RUFY4: variants seen among roughly 807,000 people sequenced by gnomAD.
RUFY4 encodes RUN and FYVE domain containing 4, also known as RUN and FYVE domain-containing protein 4.
RUFY4 carries 73 observed loss-of-function variants against 69.0 expected under a neutral mutation model. That is an observed-to-expected ratio of 1.06 (90% confidence interval 0.88 to 1.29). The LOEUF (loss-of-function observed/expected upper bound fraction) is 1.29, where lower values mean the gene tolerates loss of function less well. Ranked by LOEUF, RUFY4 falls within the 50% of genes most tolerant of loss-of-function variation. The pLI is 0.00. For missense variants in RUFY4, 770 were observed against 705.6 expected (o/e 1.09, Z -1.03); for synonymous variants, 287 against 271.8 (o/e 1.06, Z -0.55).
upstream of RUFY4, among the ~76,000 whole-genome samples, chr2:218,070,128 C>T (rs893593724): frequency 1.3e-5 from 2 of 152,174 alleles, no homozygotes; most frequent in Non-Finnish European, 2.9e-5. Context: ...TGGACACCCC[C>T]AGCCTAGTGT....
At position 218,037,093 on chromosome 2, in the gene RUFY4, C is replaced by T. The variant is rs369926937; in HGVS notation, c.-1158+1699C>T. ...CAGCACTTTGGGAGGCTGAGGCGGG[C>T]GGATCACTTGAGGTCAGGAGTTCGA... On this transcript the variant is annotated intron_variant and NMD_transcript_variant, in intron 2 of 13. Coordinates refer to the RUFY4 transcript ENST00000457754. Among the ~76,000 whole-genome samples, 1,053 of 152,032 alleles carry T rather than the reference C, an allele frequency of 6.9e-3. 12 individuals are homozygous for T. Among genetic ancestry groups the T allele is most frequent in the African/African-American group, 0.024 (981 of 41,484 alleles).
In RUFY4 at chr2:218,072,371, T is replaced by C. The variant is rs1689508946; in HGVS notation, c.154-3T>C. 1.3e-6 allele frequency: 2 copies of C among 1,536,646 alleles called. No individual in the cohort carries two copies. The highest frequency in any genetic ancestry group is 2.5e-5 in the East Asian group (1 of 40,428). Reference sequence around the variant, plus strand: ...CACTTTCTTTGCCTCATTTTGGTTCTAGTTTGACCAGAAAGAGCAGAAGAG... The same window carrying C: ...CACTTTCTTTGCCTCATTTTGGTTCCAGTTTGACCAGAAAGAGCAGAAGAG... On this transcript the variant is annotated splice_polypyrimidine_tract_variant and splice_region_variant and intron_variant, in intron 2 of 10. Coordinates refer to ENST00000344321, the Ensembl canonical transcript of RUFY4.
intron 2 of RUFY4, among the ~76,000 whole-genome samples, chr2:218,035,942 G>A (rs1176198602): frequency 1.3e-5 from 2 of 152,180 alleles, no homozygotes; most frequent in African/African-American, 2.4e-5. Context: ...GCCCTCCATG[G>A]GGAACATGGG....
At chr2:218,062,653 G>A (rs1689227879) in intron 3 of RUFY4, among the ~76,000 whole-genome samples, 1 of 152,202 alleles carries the variant, frequency 6.6e-6, no homozygotes, top group Non-Finnish European at 1.5e-5. Flanking sequence ...AGGGGTTGCA[G>A]TGAGCCGAGA....
exon 10 of RUFY4, chr2:218,089,258 G>A: frequency 1.2e-6 from 2 of 1,613,442 alleles, no homozygotes; most frequent in Non-Finnish European, 1.7e-6. Context: ...TCAGAGAGAA[G>A]GACCGCCTGT....
intron 9 of RUFY4, among the ~76,000 whole-genome samples, chr2:218,084,221 G>A (rs1455816479): frequency 6.6e-6 from 1 of 151,880 alleles, no homozygotes; most frequent in Non-Finnish European, 1.5e-5. Flanking sequence ...AGGTTGCTAA[G>A]GGTTTTTTGT....
chr2:218,040,041 C>T (rs1959039953), intron 2 of RUFY4, among the ~76,000 whole-genome samples: 1 of 152,172 alleles, frequency 6.6e-6, no homozygotes, highest in Admixed American at 6.5e-5. Context: ...ATCCTTCCCC[C>T]TTTATTCTTA....
At chr2:218,072,691 C>A in intron 3 of RUFY4, 88 bp from the exon 6 acceptor site, 2 of 1,301,346 alleles carry the variant, frequency 1.5e-6, no homozygotes, top group Non-Finnish European at 2.1e-6. Flanking sequence ...CTTCCCATTG[C>A]CAAGCACTTC....
At chr2:218,082,466 G>C (rs1295675057) in intron 8 of RUFY4, among the ~76,000 whole-genome samples, 1 of 152,152 alleles carries the variant, frequency 6.6e-6, no homozygotes, top group Non-Finnish European at 1.5e-5. Context: ...ACAAAGCCGG[G>C]AGGAGGAAAT....
chr2:218,063,634 G>A lies in RUFY4; in HGVS notation c.-1071+4953G>A, dbSNP rs1378404640. On this transcript the variant is annotated intron_variant and NMD_transcript_variant, in intron 3 of 13. Coordinates refer to the RUFY4 transcript ENST00000457754. The stretch of plus-strand genomic sequence containing the variant: ...GCAGGCAAGGGGCAGAGTGGGCCAA[G>A]AGGAATAGGAAGAACCTCAGAACCT... Among the ~76,000 whole-genome samples the A allele has an allele frequency of 3.9e-5, 6 of 152,190 alleles. No individual in the cohort carries two copies. In the South Asian group the frequency reaches 1.2e-3, roughly 32 times the overall value.
chr2:218,078,365 T>G (rs957322944), intron 8 of RUFY4, among the ~76,000 whole-genome samples: 1 of 152,204 alleles, frequency 6.6e-6, no homozygotes, highest in Non-Finnish European at 1.5e-5. Context: ...TTCGGTAGAA[T>G]GTTCCAGGCT....
intron 2 of RUFY4, among the ~76,000 whole-genome samples, chr2:218,071,768 C>A (rs978373821): frequency 6.6e-6 from 1 of 152,184 alleles, no homozygotes; most frequent in Non-Finnish European, 1.5e-5. Context: ...GCCACAGTGT[C>A]CCTCTCCGGG....
At chr2:218,086,100 C>T (rs866728453) in intron 9 of RUFY4, among the ~76,000 whole-genome samples, 7 of 152,090 alleles carry the variant, frequency 4.6e-5, no homozygotes, top group Non-Finnish European at 7.4e-5. Context: ...AAATTATGAT[C>T]ACTGAATTTT....
At chr2:218,044,237 T>C (rs1318153042) in intron 2 of RUFY4, among the ~76,000 whole-genome samples, 1 of 152,226 alleles carries the variant, frequency 6.6e-6, no homozygotes, top group Non-Finnish European at 1.5e-5. Context: ...ACCTCCTCAC[T>C]GCAGCCAGTG....
intron 2 of RUFY4, among the ~76,000 whole-genome samples, chr2:218,039,583 T>A (rs192245687): frequency 2.6e-5 from 4 of 152,186 alleles, no homozygotes; most frequent in Admixed American, 2.6e-4. Context: ...GGAGAATTGA[T>A]GAAGGTGCCA....
rs546614555 is a variant in RUFY4, at chr2:218,089,127, GTCTC to G, written c.1503-119_1503-116del. 1.2e-4 allele frequency: 82 copies of G among 704,902 alleles called. No homozygotes were observed. The African/African-American group carries it at 1.3e-3, about 11-fold the overall frequency. The allele number at this position is 704,902 out of a possible 1,614,324, so 43.7% of individuals were successfully genotyped here. A position where few individuals can be genotyped will look rare whatever the true frequency, so the allele number is the denominator to read the frequency against. Reference sequence around the variant, plus strand: ...TGTGATTCCCTCCATCACCCTCTCTGTCTCTCTCTTCCTCTCTGTGTGATTCCGT... The same window carrying G: ...TGTGATTCCCTCCATCACCCTCTCTGTCTCTTCCTCTCTGTGTGATTCCGT... On this transcript the variant is annotated intron_variant, in intron 9 of 10. Transcript: ENST00000344321.
At chr2:218,088,069 G>A (rs547928399) in intron 9 of RUFY4, among the ~76,000 whole-genome samples, 3 of 152,144 alleles carry the variant, frequency 2.0e-5, no homozygotes, top group Non-Finnish European at 4.4e-5. Context: ...GAAATGGTTT[G>A]CCACTGAGAA....
upstream of RUFY4, among the ~76,000 whole-genome samples, chr2:218,070,109 G>T (rs576720624): frequency 1.1e-4 from 17 of 152,268 alleles, no homozygotes; most frequent in African/African-American, 3.6e-4. Flanking sequence ...GCACTCCATG[G>T]GGAAGGAGTG....
intron 3 of RUFY4, chr2:218,060,407 A>G: frequency 6.4e-7 from 1 of 1,554,242 alleles, no homozygotes; most frequent in Admixed American, 1.8e-5. Context: ...TTGGGCAGGG[A>G]GTCCTTGCTG....
Sources: gnomAD v4.1 joint callset for allele counts (sites outside exome capture counted in the v4.1 genomes callset) on GRCh38, gnomAD v4.1.1 for gene constraint, MANE v1.5 for transcripts, NCBI Gene and HGNC (gene_info 2026-07-23, HGNC 2026-07-21) for gene names.